The following C12orf42 variants were observed in gnomAD, a reference collection of about 807,000 sequenced individuals.
The protein encoded by C12orf42 is chromosome 12 open reading frame 42.
Under a neutral mutation model 21.6 loss-of-function variants are expected in C12orf42, and 25 were observed. The ratio of observed to expected loss-of-function variants is 1.16; its 90% CI spans 0.84 to 1.62. The LOEUF is 1.62. Among genes scored for constraint, C12orf42 ranks in the 40% most tolerant of loss-of-function variants. The probability of loss-of-function intolerance (pLI) is 0.00; values close to 1 mark genes in which losing one functional copy is unlikely to be tolerated. For missense variants in C12orf42, 483 were observed against 459.3 expected (o/e 1.05, Z -0.47); for synonymous variants, 174 against 175.0 (o/e 0.99, Z 0.05).
At chr12:103,401,371 T>G (rs1056256101) in intron 3 of C12orf42, among the ~76,000 whole-genome samples, 8 of 152,196 alleles carry the variant, frequency 5.3e-5, no homozygotes, top group Non-Finnish European at 2.9e-5. Context: ...ATACACGTTT[T>G]TCTAGGTGTA....
intron 4 of C12orf42, among the ~76,000 whole-genome samples, chr12:103,295,207 C>G (rs2037172545): frequency 6.6e-6 from 1 of 152,136 alleles, no homozygotes; most frequent in Non-Finnish European, 1.5e-5. Context: ...CCCTGTGTGA[C>G]TACAAATCCT....
intron 2 of C12orf42, among the ~76,000 whole-genome samples, chr12:103,435,343 C>T (rs975658929): frequency 2.0e-5 from 3 of 152,204 alleles, no homozygotes; most frequent in African/African-American, 7.2e-5. Flanking sequence ...ACGCAGAGTG[C>T]CTCTCCTCCT....
At chr12:103,051,267 T>C in the C12orf42 span, among the ~76,000 whole-genome samples, 1 of 152,182 alleles carries the variant, frequency 6.6e-6, no homozygotes, top group South Asian at 2.1e-4. Flanking sequence ...GAGGAAGTGG[T>C]CATTAGATTA....
chr12:103,407,932 T>C (rs1193691474), intron 2 of C12orf42, among the ~76,000 whole-genome samples: 1 of 152,212 alleles, frequency 6.6e-6, no homozygotes, highest in Admixed American at 6.5e-5. Context: ...ACCAAGGGAA[T>C]TGTTGACAAA....
chr12:103,508,063 A>G, the C12orf42 span, among the ~76,000 whole-genome samples: 1 of 152,292 alleles, frequency 6.6e-6, no homozygotes, highest in East Asian at 1.9e-4. Flanking sequence ...TTATCCATAC[A>G]ATGAGTCCAA....
chr12:103,209,449 CA>C, the C12orf42 span, among the ~76,000 whole-genome samples: 1 of 152,198 alleles, frequency 6.6e-6, no homozygotes, highest in African/African-American at 2.4e-5. Flanking sequence ...AGCACCTTTT[CA>C]GCAAAGTTTC....
At chr12:103,305,909 G>A (rs1485324787) in intron 5 of C12orf42, 65 bp downstream of exon 5, 1 of 1,520,532 alleles carries the variant, frequency 6.6e-7, no homozygotes, top group Admixed American at 2.0e-5. Context: ...TGTTTATACT[G>A]AAGTTAAAAA....
chr12:103,371,034 T>C (rs923302602), intron 3 of C12orf42, among the ~76,000 whole-genome samples: 1 of 152,158 alleles, frequency 6.6e-6, no homozygotes, highest in Non-Finnish European at 1.5e-5. Context: ...TAGATTTGGA[T>C]ATTGGATATT....
At chr12:103,059,453 G>A in the C12orf42 span, among the ~76,000 whole-genome samples, 1 of 152,152 alleles carries the variant, frequency 6.6e-6, no homozygotes, top group Non-Finnish European at 1.5e-5. Context: ...TAAAAAAAGA[G>A]GAACTCCTCT....
At chr12:103,289,089 A>G (rs1363200765) in intron 4 of C12orf42, among the ~76,000 whole-genome samples, 1 of 152,156 alleles carries the variant, frequency 6.6e-6, no homozygotes, top group African/African-American at 2.4e-5. Context: ...TTAAGGTTCT[A>G]TTATCTTATT....
intron 4 of C12orf42, among the ~76,000 whole-genome samples, chr12:103,332,196 G>C (rs1324279287): frequency 6.6e-6 from 1 of 152,156 alleles, no homozygotes; most frequent in Non-Finnish European, 1.5e-5. Flanking sequence ...CTTAGCACTT[G>C]ACACACACTA....
chr12:103,200,060 C>T, the C12orf42 span, among the ~76,000 whole-genome samples: 1 of 151,246 alleles, frequency 6.6e-6, no homozygotes, highest in Non-Finnish European at 1.5e-5. Flanking sequence ...TTCACAATAG[C>T]AAAGATATGG....
Position 103,371,465 on chromosome 12 carries a change from TAA to T in C12orf42, c.148-2469_148-2468del, listed in dbSNP as rs991069730. On this transcript the variant is annotated intron_variant, in intron 3 of 5. Coordinates refer to ENST00000548883, the MANE Select transcript of C12orf42 (RefSeq NM_198521.5). ...GGAAGGGTCAGAAACCCCTTCTTTATAAGACTTTTTTGCTGCTAGCATTTTCT... is the reference window on the plus strand; with the variant it reads ...GGAAGGGTCAGAAACCCCTTCTTTATGACTTTTTTGCTGCTAGCATTTTCT... 5.1e-4 allele frequency among the ~76,000 whole-genome samples: 78 copies of T among 151,978 alleles called. No homozygotes were observed. In the Middle Eastern group the frequency reaches 0.017, roughly 33 times the overall value.
intron 4 of C12orf42, among the ~76,000 whole-genome samples, chr12:103,368,317 T>TCA (rs3065785): frequency 0.026 from 3,833 of 146,578 alleles, 57 homozygotes; most frequent in Non-Finnish European, 0.034. Flanking sequence ...TCTCTCTCTC[T>TCA]CACACACACA....
chr12:103,514,286 A>G, the C12orf42 span, among the ~76,000 whole-genome samples: 1 of 152,188 alleles, frequency 6.6e-6, no homozygotes, highest in African/African-American at 2.4e-5. Flanking sequence ...ACAATTCAAG[A>G]TGAGATTTGG....
At chr12:103,363,029 AC>A (rs1475436584) in intron 4 of C12orf42, among the ~76,000 whole-genome samples, 1 of 152,072 alleles carries the variant, frequency 6.6e-6, no homozygotes, top group African/African-American at 2.4e-5. Context: ...AAAGATCATC[AC>A]CTAGGCACAT....
chr12:103,059,209 T>C, the C12orf42 span, among the ~76,000 whole-genome samples: 1 of 152,120 alleles, frequency 6.6e-6, no homozygotes, highest in Non-Finnish European at 1.5e-5. Context: ...TTTATGCAAA[T>C]AAACTAGAAA....
the C12orf42 span, among the ~76,000 whole-genome samples, chr12:103,141,773 G>T: frequency 2.0e-5 from 3 of 151,906 alleles, no homozygotes; most frequent in Admixed American, 1.3e-4. Context: ...CAAATGATCC[G>T]CCTGCTTCAG....
At chr12:103,495,278 T>C (rs998960181) in intron 1 of C12orf42, among the ~76,000 whole-genome samples, 2 of 150,754 alleles carry the variant, frequency 1.3e-5, no homozygotes, top group African/African-American at 4.9e-5. Flanking sequence ...ACAGGGAGAG[T>C]GTCTCTACAT....
Sources: gnomAD v4.1 joint callset for allele counts (sites outside exome capture counted in the v4.1 genomes callset) on GRCh38, gnomAD v4.1.1 for gene constraint, MANE v1.5 for transcripts, NCBI Gene and HGNC (gene_info 2026-07-23, HGNC 2026-07-21) for gene names.